PTPRJ: variants seen among roughly 807,000 people sequenced by gnomAD.
The protein encoded by PTPRJ is protein tyrosine phosphatase receptor type J.
PTPRJ carries 129 observed loss-of-function variants against 141.3 expected under a neutral mutation model. The ratio of observed to expected loss-of-function variants is 0.91; its 90% CI spans 0.79 to 1.06. The LOEUF (loss-of-function observed/expected upper bound fraction) is 1.06, where lower values mean the gene tolerates loss of function less well. Among genes scored for constraint, PTPRJ ranks in the 50% least tolerant of loss-of-function variants. PTPRJ has a pLI of 0.00. For missense variants in PTPRJ, 1,601 were observed against 1,679.7 expected (o/e 0.95, Z 0.82); for synonymous variants, 610 against 640.5 (o/e 0.95, Z 0.72).
intron 1 of PTPRJ, among the ~76,000 whole-genome samples, chr11:47,985,671 CATTTATTTATTT>C (rs139376265): frequency 0.017 from 2,373 of 136,044 alleles, 25 homozygotes; most frequent in Non-Finnish European, 0.023. Flanking sequence ...AGGTGGCAGA[CATTTATTTATTT>C]ATTTATTTAT....
At chr11:48,149,673 C>G (rs1018137) in intron 16 of PTPRJ, 185 bp downstream of exon 16, 1 of 541,010 alleles carries the variant, frequency 1.8e-6, no homozygotes, top group East Asian at 3.3e-5. Context: ...TCTCCTGAAG[C>G]TGGCTTCCTT....
In PTPRJ at chr11:48,136,296, C is replaced by T. The variant is rs776964787; in HGVS notation, c.1873C>T (p.Arg625Trp). 36 of 1,613,104 alleles carry T rather than the reference C, an allele frequency of 2.2e-5. No individual in the cohort carries two copies. Among genetic ancestry groups the T allele is most frequent in the Middle Eastern group, 3.3e-4 (2 of 6,080 alleles). Residue 625 changes from arginine to tryptophan, a missense_variant and splice_region_variant, in exon 9 of 25, where the codon CGG becomes TGG. Arg to Trp is a moderately radical substitution (Grantham distance 101). Coordinates refer to ENST00000418331, the MANE Select transcript of PTPRJ (RefSeq NM_002843.4). ...CCCCAACTCCACTGCACAGTACACA[C>T]GTAAGTCTCTTAGGATGCCCTTCTA... Reference protein sequence around the residue: ...GDPNSTAQYTRPSNVSNIDVS... With the variant: ...GDPNSTAQYTWPSNVSNIDVS...
chr11:48,090,565 G>A (rs1036982005), intron 1 of PTPRJ, among the ~76,000 whole-genome samples: 2 of 152,214 alleles, frequency 1.3e-5, no homozygotes, highest in Admixed American at 6.5e-5. Flanking sequence ...GTAGGTACAC[G>A]TGGGCTTCGC....
At chr11:48,016,975 G>A (rs540445405) in intron 1 of PTPRJ, among the ~76,000 whole-genome samples, 6 of 151,912 alleles carry the variant, frequency 3.9e-5, no homozygotes, top group Admixed American at 1.3e-4. Context: ...TGTGGCCCAG[G>A]TCTTGAGCTC....
chr11:48,131,759 G>C, intron 8 of PTPRJ: 1 of 465,048 alleles, frequency 2.2e-6, no homozygotes, highest in Non-Finnish European at 3.8e-6. Context: ...AATGTTTGCT[G>C]ACCTCTGGGC....
At chr11:48,092,761 T>C (rs1855904675) in intron 1 of PTPRJ, among the ~76,000 whole-genome samples, 1 of 152,164 alleles carries the variant, frequency 6.6e-6, no homozygotes, top group African/African-American at 2.4e-5. Flanking sequence ...ATTCCACCTA[T>C]AAGTGAAGTT....
At chr11:48,050,215 A>G (rs1354845715) in intron 1 of PTPRJ, among the ~76,000 whole-genome samples, 1 of 152,162 alleles carries the variant, frequency 6.6e-6, no homozygotes, top group Non-Finnish European at 1.5e-5. Flanking sequence ...AACCTGTCAC[A>G]TTTTGTCAAA....
At chr11:48,027,791 CAAAAAAAAAAAAA>C (rs750153282) in intron 1 of PTPRJ, among the ~76,000 whole-genome samples, 9 of 32,900 alleles carry the variant, frequency 2.7e-4, no homozygotes, top group Admixed American at 2.4e-3. Context: ...ACTCTGTCTC[CAAAAAAAAAAAAA>C]AAAAAAAAAA....
At chr11:48,139,237 C>T (rs1291160574) in intron 10 of PTPRJ, among the ~76,000 whole-genome samples, 2 of 152,302 alleles carry the variant, frequency 1.3e-5, no homozygotes, top group African/African-American at 2.4e-5. Flanking sequence ...CTCTTCCAGG[C>T]GTCTTTCTTG....
intron 1 of PTPRJ, among the ~76,000 whole-genome samples, chr11:48,108,181 C>T (rs908665867): frequency 2.0e-5 from 3 of 152,138 alleles, no homozygotes; most frequent in Non-Finnish European, 2.9e-5. Flanking sequence ...ATCTGAGCCT[C>T]GGTGGTGTTA....
chr11:48,033,747 A>G (rs146769143), intron 1 of PTPRJ, among the ~76,000 whole-genome samples: 323 of 152,272 alleles, frequency 2.1e-3, no homozygotes, highest in African/African-American at 7.5e-3. Context: ...GGTACCCACA[A>G]TGATGGCCCT....
intron 1 of PTPRJ, among the ~76,000 whole-genome samples, chr11:48,092,294 C>CAAAAAAAA (rs3971621): frequency 1.2e-3 from 55 of 46,898 alleles, no homozygotes; most frequent in East Asian, 3.2e-3. Context: ...GATTTCATCT[C>CAAAAAAAA]AAAAAAAAAA....
rs770133877 is a variant in PTPRJ at position 48,061,764 on chromosome 11, AC to A, written c.97-48287del. Among the ~76,000 whole-genome samples the A allele has an allele frequency of 3.7e-4, 56 of 151,276 alleles. 1 individual carries two copies. The highest frequency in any genetic ancestry group is 1.1e-3 in the Admixed American group (16 of 15,180). On this transcript the variant is annotated intron_variant, in intron 1 of 24. Transcript: ENST00000418331. Reference sequence around the variant, plus strand: ...GGAGGACTTATTATTGGGGAAAAATACCCCCCCTACTTATTACTAAGGGCCG... The same window carrying A: ...GGAGGACTTATTATTGGGGAAAAATACCCCCCTACTTATTACTAAGGGCCG...
Position 48,132,759 on chromosome 11 carries a change from G to A in PTPRJ, c.1615+2043G>A, listed in dbSNP as rs73468834. 3.1e-3 allele frequency: 2,982 copies of A among 962,348 alleles called. 73 individuals carry two copies. In the African/African-American group the frequency reaches 0.047, roughly 15 times the overall value. 59.6% of individuals were successfully genotyped at this position (962,348 alleles called of 1,614,324 possible). A position where few individuals can be genotyped will look rare whatever the true frequency, so the allele number is the denominator to read the frequency against. ...TTGAAACACACATGAAATGAGTTAC[G>A]CTTTTGAGATTCTCCTTGAAGAAGC... is the stretch of plus-strand genomic sequence containing the variant. On this transcript the variant is annotated intron_variant, in intron 8 of 24. Transcript: ENST00000418331.
At chr11:48,112,623 G>A (rs910996970) in intron 2 of PTPRJ, 124 bp from the exon 3 acceptor site, 7 of 733,278 alleles carry the variant, frequency 9.5e-6, no homozygotes, top group Non-Finnish European at 1.6e-5. Flanking sequence ...ACAAAGAAGA[G>A]AAAGAGAGGG....
intron 10 of PTPRJ, among the ~76,000 whole-genome samples, chr11:48,138,183 G>A (rs1006751575): frequency 4.6e-5 from 7 of 152,296 alleles, no homozygotes; most frequent in African/African-American, 1.7e-4. Context: ...CTCCAGCCTT[G>A]ATGGCCTCTG....
intron 1 of PTPRJ, among the ~76,000 whole-genome samples, chr11:48,028,015 G>C (rs528733641): frequency 1.5e-3 from 221 of 152,142 alleles, no homozygotes; most frequent in Middle Eastern, 0.01. Context: ...CTCCTCTAGT[G>C]AAAGAAAAAG....
chr11:48,035,508 G>T (rs947420454), intron 1 of PTPRJ, among the ~76,000 whole-genome samples: 4 of 132,782 alleles, frequency 3.0e-5, no homozygotes, highest in African/African-American at 1.1e-4. Flanking sequence ...GGAAATTGTG[G>T]TTTCTTTCTT....
chr11:48,124,371 T>G (rs566146598), intron 5 of PTPRJ, among the ~76,000 whole-genome samples: 36 of 152,328 alleles, frequency 2.4e-4, no homozygotes, highest in African/African-American at 8.2e-4. Flanking sequence ...AGACTTTGGA[T>G]AGCTCAGACA....
Sources: allele counts gnomAD v4.1 joint callset (sites outside exome capture counted in the v4.1 genomes callset), GRCh38; gene constraint gnomAD v4.1.1; transcripts MANE v1.5; gene names NCBI Gene and HGNC (gene_info 2026-07-23, HGNC 2026-07-21).